PAX3: variants seen among roughly 807,000 people sequenced by gnomAD.
PAX3 encodes paired box 3.
PAX3 carries 14 observed loss-of-function variants against 51.6 expected under a neutral mutation model. That is an observed-to-expected ratio of 0.27 (90% CI 0.18 to 0.42). PAX3 has a LOEUF of 0.42. Among genes scored for constraint, PAX3 ranks in the 10% least tolerant of loss-of-function variants. The pLI, the probability that PAX3 is intolerant of heterozygous loss-of-function variation, is 1.00. For missense variants in PAX3, 540 were observed against 642.8 expected (o/e 0.84, Z 1.73); for synonymous variants, 280 against 253.4 (o/e 1.11, Z -1.00).
chr2:222,259,674 T>A (rs1225980369), intron 4 of PAX3, among the ~76,000 whole-genome samples: 3 of 152,188 alleles, frequency 2.0e-5, no homozygotes, highest in Non-Finnish European at 4.4e-5. Context: ...GGAAAAAAAA[T>A]TAAAACTTAA....
chr2:222,202,313 C>G, intron 7 of PAX3, 123 bp from the exon 8 acceptor site: 1 of 797,268 alleles, frequency 1.3e-6, no homozygotes, highest in South Asian at 1.5e-5. Context: ...AAAGAGCTGT[C>G]CAGGAGACTA....
At chr2:222,294,040 CAG>C (rs1408186725) in intron 4 of PAX3, 125 bp downstream of exon 4, 2 of 1,566,408 alleles carry the variant, frequency 1.3e-6, no homozygotes, top group Non-Finnish European at 1.7e-6. Context: ...TACTCAGGCG[CAG>C]AGACACCGCG....
intron 4 of PAX3, among the ~76,000 whole-genome samples, chr2:222,234,305 T>C (rs551445919): frequency 5.3e-5 from 8 of 152,270 alleles, no homozygotes; most frequent in Admixed American, 6.5e-5. Flanking sequence ...TCATTTAACA[T>C]AAATCTTACG....
At position 222,210,864 on chromosome 2, in the gene PAX3, G is replaced by A. The variant is rs376263929; in HGVS notation, c.1174-8674C>T. On this transcript the variant is annotated intron_variant, in intron 7 of 8. Coordinates refer to ENST00000392070, the MANE Select transcript of PAX3 (RefSeq NM_181458.4). ...CAAGCAAAAGTATATTTTTGTCAGA[G>A]ATTCACATAATTTTTTTTTCTGAGA... is the stretch of plus-strand genomic sequence containing the variant. 9.5e-4 allele frequency among the ~76,000 whole-genome samples: 145 copies of A among 152,074 alleles called. 2 individuals are homozygous for A. The highest frequency in any genetic ancestry group is 3.3e-3 in the African/African-American group (135 of 41,498).
At chr2:222,281,152 C>A (rs756128510) in intron 4 of PAX3, among the ~76,000 whole-genome samples, 10 of 152,198 alleles carry the variant, frequency 6.6e-5, no homozygotes, top group Non-Finnish European at 1.5e-4. Context: ...ATATTCTGCT[C>A]TGGCATACTG....
chr2:222,220,361 T>G lies in PAX3; in HGVS notation c.959-7A>C. On this transcript the variant is annotated splice_region_variant and splice_polypyrimidine_tract_variant and intron_variant, in intron 6 of 8. Coordinates refer to ENST00000392070, the MANE Select transcript of PAX3 (RefSeq NM_181458.4). ...CTGCTGGGATCTGACACAGCTGAAA[T>G]GAAAAAGATTGTCAACCATCATGTT... 1 of 1,613,440 alleles carries G rather than the reference T, an allele frequency of 6.2e-7. No homozygotes were observed. Among genetic ancestry groups the G allele is most frequent in the Non-Finnish European group, 8.5e-7 (1 of 1,179,456 alleles).
intron 5 of PAX3, among the ~76,000 whole-genome samples, chr2:222,230,231 G>C (rs973971353): frequency 2.0e-5 from 3 of 151,704 alleles, no homozygotes; most frequent in African/African-American, 7.3e-5. Context: ...ATTCCTTCAA[G>C]ATCTCATCCC....
chr2:222,202,007 A>G lies in PAX3; in HGVS notation c.1357T>C (p.Tyr453His), dbSNP rs1322674735. Residue 453 changes from tyrosine (Y) to histidine (H), a missense_variant, in exon 8 of 9, where the codon TAT becomes CAT. This residue lies in a region of PAX3 where 427 missense variants were observed against 483.6 expected (regional missense o/e 0.88). Coordinates refer to ENST00000392070, the MANE Select transcript of PAX3 (RefSeq NM_181458.4). Reference sequence around the variant, plus strand: ...TCCATACTGTAGCCTGTGGTGCTATAGGTGGGTGGACAGTAGGACTGAGAT... The same window carrying G: ...TCCATACTGTAGCCTGTGGTGCTATGGGTGGGTGGACAGTAGGACTGAGAT... Reference protein sequence around the residue: ...PTSQSYCPPTYSTTGYSMDPV... With the variant: ...PTSQSYCPPTHSTTGYSMDPV... The G allele has an allele frequency of 3.7e-6, 6 of 1,614,098 alleles. No individual in the cohort carries two copies. Among genetic ancestry groups the G allele is most frequent in the Non-Finnish European group, 5.1e-6 (6 of 1,180,008 alleles).
chr2:222,202,688 G>C (rs985486052), intron 7 of PAX3, among the ~76,000 whole-genome samples: 4 of 149,290 alleles, frequency 2.7e-5, no homozygotes, highest in African/African-American at 9.8e-5. Context: ...TGAGATCTCT[G>C]TGCCTTTTTT....
At chr2:222,202,729 C>A (rs1311966661) in intron 7 of PAX3, among the ~76,000 whole-genome samples, 1 of 150,994 alleles carries the variant, frequency 6.6e-6, no homozygotes, top group Non-Finnish European at 1.5e-5. Flanking sequence ...TCAAGAAAGC[C>A]CCTTTCCTTA....
intron 4 of PAX3, among the ~76,000 whole-genome samples, chr2:222,267,376 G>A (rs1026352157): frequency 2.6e-5 from 4 of 152,260 alleles, no homozygotes; most frequent in African/African-American, 7.2e-5. Flanking sequence ...TAAGATGATG[G>A]ACACTTCCTA....
At chr2:222,218,640 TG>T (rs1559262250) in intron 7 of PAX3, among the ~76,000 whole-genome samples, 3 of 152,208 alleles carry the variant, frequency 2.0e-5, no homozygotes, top group African/African-American at 7.2e-5. Flanking sequence ...GCCATGAATC[TG>T]GGTATTTTAA....
At chr2:222,235,255 C>G (rs950516329) in intron 4 of PAX3, among the ~76,000 whole-genome samples, 3 of 152,172 alleles carry the variant, frequency 2.0e-5, no homozygotes, top group African/African-American at 7.2e-5. Flanking sequence ...AGAATATAAA[C>G]TGGGTGAGCT....
chr2:222,296,829 C>T (rs1034555766), intron 2 of PAX3, 149 bp downstream of exon 2: 1 of 705,136 alleles, frequency 1.4e-6, no homozygotes, highest in African/African-American at 1.7e-5. Flanking sequence ...CACACGTACA[C>T]ACACACACGC....
intron 4 of PAX3, chr2:222,263,222 G>A (rs1339766412): frequency 6.6e-6 from 1 of 152,106 alleles, no homozygotes; most frequent in Non-Finnish European, 1.5e-5. Flanking sequence ...TCTGACAAAA[G>A]ACCTGCATTG....
rs184168543 is a variant in PAX3, at chr2:222,279,720, A to C, written c.586+14447T>G. Among the ~76,000 whole-genome samples the C allele has an allele frequency of 5.1e-3, 772 of 152,360 alleles. 5 individuals are homozygous for C. The highest frequency in any genetic ancestry group is 0.018 in the African/African-American group (734 of 41,588). On this transcript the variant is annotated intron_variant, in intron 4 of 8. Coordinates refer to ENST00000392070, the MANE Select transcript of PAX3 (RefSeq NM_181458.4). ...AACTTGGGTTTTCATGTTACAAAAA[A>C]ATAGAAAAGATACATTTCAGGGGAA...
chr2:222,293,555 T>C (rs1695125126), intron 4 of PAX3: 2 of 1,438,032 alleles, frequency 1.4e-6, no homozygotes, highest in Admixed American at 1.7e-5. Context: ...AACCCAGAGC[T>C]TGGGTTCCTT....
intron 7 of PAX3, among the ~76,000 whole-genome samples, chr2:222,203,625 G>T (rs1691391940): frequency 6.6e-6 from 1 of 152,102 alleles, no homozygotes; most frequent in Non-Finnish European, 1.5e-5. Context: ...AGTAAGGCAG[G>T]AATCTGAGAG....
chr2:222,283,643 C>T lies in PAX3; in HGVS notation c.586+10524G>A, dbSNP rs1332036313. 5.3e-5 allele frequency among the ~76,000 whole-genome samples: 8 copies of T among 152,206 alleles called. 1 individual carries two copies. Among genetic ancestry groups the T allele is most frequent in the Admixed American group, 5.2e-4 (8 of 15,282 alleles). Reference sequence around the variant, plus strand: ...CCATAATCCAGGAGTCTTCTTGCATCTAAAAGCCTTCAGGGGGCCAGGACT... The same window carrying T: ...CCATAATCCAGGAGTCTTCTTGCATTTAAAAGCCTTCAGGGGGCCAGGACT... On this transcript the variant is annotated intron_variant, in intron 4 of 8. Transcript: ENST00000392070.
Sources: allele counts gnomAD v4.1 joint callset (sites outside exome capture counted in the v4.1 genomes callset), GRCh38; gene constraint gnomAD v4.1.1; regional missense constraint gnomAD v4.1.1; transcripts MANE v1.5; gene names NCBI Gene and HGNC (gene_info 2026-07-23, HGNC 2026-07-21).